Variants in MMP16 observed in about 807,000 individuals in gnomAD.
MMP16 encodes matrix metalloproteinase-16.
Under a neutral mutation model 67.8 loss-of-function variants are expected in MMP16, and 12 were observed. That is an observed-to-expected ratio of 0.18 (90% CI 0.11 to 0.29). The LOEUF (loss-of-function observed/expected upper bound fraction) is 0.29, where lower values mean the gene tolerates loss of function less well. Ranked by LOEUF, MMP16 falls within the 10% of genes least tolerant of loss-of-function variation. The pLI is 1.00. For missense variants in MMP16, 475 were observed against 765.7 expected (o/e 0.62, Z 4.48); for synonymous variants, 249 against 255.9 (o/e 0.97, Z 0.26).
At chr8:88,297,322 T>C (rs1199613650) in intron 1 of MMP16, among the ~76,000 whole-genome samples, 1 of 152,148 alleles carries the variant, frequency 6.6e-6, no homozygotes, top group Non-Finnish European at 1.5e-5. Context: ...ATAGAAGCCC[T>C]GTAGAAGTGT....
intron 6 of MMP16, among the ~76,000 whole-genome samples, chr8:88,080,260 A>G (rs904247777): frequency 6.6e-6 from 1 of 152,170 alleles, no homozygotes; most frequent in Non-Finnish European, 1.5e-5. Context: ...GAGTATATAT[A>G]TCTGAGATTG....
At chr8:88,141,457 T>C (rs538017359) in intron 4 of MMP16, among the ~76,000 whole-genome samples, 40 of 152,282 alleles carry the variant, frequency 2.6e-4, no homozygotes, top group African/African-American at 8.7e-4. Flanking sequence ...CTTCGAGTGG[T>C]TGAATCTGTG....
intron 1 of MMP16, among the ~76,000 whole-genome samples, chr8:88,235,277 A>G (rs540466823): frequency 5.3e-5 from 8 of 151,900 alleles, no homozygotes; most frequent in African/African-American, 1.4e-4. Context: ...CTGTAATCTC[A>G]GCTACTTGGG....
chr8:88,299,707 A>G (rs1349719785), intron 1 of MMP16, among the ~76,000 whole-genome samples: 1 of 152,208 alleles, frequency 6.6e-6, no homozygotes, highest in Admixed American at 6.5e-5. Flanking sequence ...GACTTGGGGA[A>G]AAAACATTTA....
At chr8:88,042,747 T>A (rs1808149389) in intron 9 of MMP16, among the ~76,000 whole-genome samples, 1 of 152,160 alleles carries the variant, frequency 6.6e-6, no homozygotes, top group African/African-American at 2.4e-5. Flanking sequence ...ACAATAGACT[T>A]TTAAGCTCCT....
intron 4 of MMP16, among the ~76,000 whole-genome samples, chr8:88,121,640 C>T (rs1807832518): frequency 1.3e-5 from 2 of 151,918 alleles, no homozygotes; most frequent in South Asian, 2.1e-4. Context: ...ACCAAGCAGG[C>T]AACAAAGGAG....
intron 1 of MMP16, among the ~76,000 whole-genome samples, chr8:88,232,773 T>G (rs1450505450): frequency 3.3e-5 from 5 of 152,188 alleles, no homozygotes; most frequent in Admixed American, 3.3e-4. Flanking sequence ...GGACTTTCAA[T>G]GTAAGGTGAC....
chr8:88,274,892 G>T (rs1414466197), intron 1 of MMP16, among the ~76,000 whole-genome samples: 1 of 151,918 alleles, frequency 6.6e-6, no homozygotes, highest in Non-Finnish European at 1.5e-5. Context: ...TTCAACCGAT[G>T]TATCACCAAA....
chr8:88,246,234 T>A (rs1024207623), intron 1 of MMP16, among the ~76,000 whole-genome samples: 5 of 152,188 alleles, frequency 3.3e-5, no homozygotes, highest in Non-Finnish European at 5.9e-5. Flanking sequence ...ATCTGTGTGA[T>A]TTATTATTCA....
At chr8:88,078,472 G>A (rs10504852) in intron 6 of MMP16, among the ~76,000 whole-genome samples, 5 of 152,034 alleles carry the variant, frequency 3.3e-5, no homozygotes, top group African/African-American at 1.2e-4. Context: ...TGTTTGCTGA[G>A]AACTATATGG....
At chr8:88,117,364 T>C (rs1339374107) in intron 5 of MMP16, among the ~76,000 whole-genome samples, 3 of 152,136 alleles carry the variant, frequency 2.0e-5, no homozygotes, top group Admixed American at 1.3e-4. Context: ...GGCTTCTAAA[T>C]CAAGCCAAAG....
intron 1 of MMP16, among the ~76,000 whole-genome samples, chr8:88,318,036 T>C (rs551352984): frequency 6.6e-6 from 1 of 152,252 alleles, no homozygotes; most frequent in African/African-American, 2.4e-5. Context: ...ATGCAACACA[T>C]AAAAATAACA....
intron 3 of MMP16, among the ~76,000 whole-genome samples, chr8:88,178,625 T>A (rs1808930597): frequency 6.6e-6 from 1 of 152,192 alleles, no homozygotes; most frequent in South Asian, 2.1e-4. Flanking sequence ...GTTCTGCATA[T>A]CCTCACCTAT....
chr8:88,238,541 C>A lies in MMP16; in HGVS notation c.133-41235G>T, dbSNP rs181807723. 9.0e-3 allele frequency among the ~76,000 whole-genome samples: 1,361 copies of A among 151,710 alleles called. 72 individuals carry two copies. The highest frequency in any genetic ancestry group is 0.083 in the Admixed American group (1,259 of 15,226). ...GATGCAGCTGGGCCCGGTGGCTTGT[C>A]TATAATCCCAGCTACTCAGGAGTCT... On this transcript the variant is annotated intron_variant, in intron 1 of 9. Transcript: ENST00000286614.
chr8:88,201,657 T>A (rs762103574), intron 1 of MMP16, among the ~76,000 whole-genome samples: 1 of 152,302 alleles, frequency 6.6e-6, no homozygotes, highest in Middle Eastern at 3.4e-3. Context: ...CTTTCTCAGA[T>A]GAAATTCAAC....
At chr8:88,312,987 C>A (rs201991712) in intron 1 of MMP16, among the ~76,000 whole-genome samples, 2,129 of 118,838 alleles carry the variant, frequency 0.018, 46 homozygotes, top group African/African-American at 0.071. Flanking sequence ...AAAACAAAAA[C>A]AAAAAAAGGT....
intron 6 of MMP16, among the ~76,000 whole-genome samples, chr8:88,082,415 T>C (rs1386140281): frequency 3.9e-5 from 6 of 152,064 alleles, no homozygotes; most frequent in African/African-American, 1.4e-4. Context: ...ATCTCTTCTC[T>C]GTCAATCCAC....
chr8:88,319,152 T>C (rs1438538961), intron 1 of MMP16, among the ~76,000 whole-genome samples: 2 of 152,132 alleles, frequency 1.3e-5, no homozygotes, highest in Non-Finnish European at 2.9e-5. Context: ...CCATCATACA[T>C]AGGCAAAACA....
chr8:88,322,181 A>G (rs1811469964), intron 1 of MMP16, among the ~76,000 whole-genome samples: 1 of 152,152 alleles, frequency 6.6e-6, no homozygotes, highest in Non-Finnish European at 1.5e-5. Flanking sequence ...GGCCTACTGA[A>G]TTATAAAGGC....
Sources: allele counts gnomAD v4.1 joint callset (sites outside exome capture counted in the v4.1 genomes callset), GRCh38; gene constraint gnomAD v4.1.1; transcripts MANE v1.5; gene names NCBI Gene and HGNC (gene_info 2026-07-23, HGNC 2026-07-21).